The following ANKRD27 variants were observed in gnomAD, a reference collection of about 807,000 sequenced individuals.
ANKRD27 encodes ankyrin repeat domain 27, also known as ankyrin repeat domain-containing protein 27.
Under a neutral mutation model 129.7 loss-of-function variants are expected in ANKRD27, and 112 were observed. That is an observed-to-expected ratio of 0.86 (90% CI 0.74 to 1.01). The LOEUF (loss-of-function observed/expected upper bound fraction) is 1.01. ANKRD27 is among the 50% of genes least tolerant of loss of function. ANKRD27 has a pLI of 0.00. For missense variants in ANKRD27, 1,258 were observed against 1,300.5 expected, an observed-to-expected ratio of 0.97 and a Z score of 0.50; for synonymous variants, 516 against 511.2, an observed-to-expected ratio of 1.01 and a Z score of -0.13.
intron 3 of ANKRD27, among the ~76,000 whole-genome samples, chr19:32,649,067 A>T (rs1242349290): frequency 6.6e-6 from 1 of 151,516 alleles, no homozygotes; most frequent in Non-Finnish European, 1.5e-5. Context: ...CCTCAGCTTA[A>T]GCAATTCTCC....
At chr19:32,647,843 G>A (rs1003021242) in intron 3 of ANKRD27, among the ~76,000 whole-genome samples, 3 of 152,222 alleles carry the variant, frequency 2.0e-5, no homozygotes, top group African/African-American at 7.2e-5. Context: ...TTCAGCCCTG[G>A]CCACACTGCA....
At chr19:32,606,701 T>C (rs1971744755) in intron 23 of ANKRD27, among the ~76,000 whole-genome samples, 1 of 151,804 alleles carries the variant, frequency 6.6e-6, no homozygotes, top group Non-Finnish European at 1.5e-5. Context: ...AGCTCTATGC[T>C]AGGTGTTGGC....
intron 22 of ANKRD27, 86 bp from the exon 23 acceptor site, chr19:32,607,918 G>T: frequency 1.5e-6 from 2 of 1,329,196 alleles, no homozygotes; most frequent in Non-Finnish European, 2.1e-6. Flanking sequence ...GCCCCCCACA[G>T]CTCCCACACA....
At chr19:32,646,267 A>T (rs528270411) in intron 4 of ANKRD27, among the ~76,000 whole-genome samples, 192 bp downstream of exon 4, 1 of 151,542 alleles carries the variant, frequency 6.6e-6, no homozygotes, top group East Asian at 2.0e-4. Flanking sequence ...ACAGGGTCTC[A>T]CTATGTTTCC....
At chr19:32,644,524 G>A (rs769880366) in intron 4 of ANKRD27, 45 bp from the exon 5 acceptor site, 2 of 1,602,144 alleles carry the variant, frequency 1.2e-6, no homozygotes, top group South Asian at 2.2e-5. Context: ...GCCTCTGCTG[G>A]TTCCTGACTC....
At chr19:32,667,548 C>T (rs1383099380) in intron 1 of ANKRD27, among the ~76,000 whole-genome samples, 1 of 152,132 alleles carries the variant, frequency 6.6e-6, no homozygotes, top group Non-Finnish European at 1.5e-5. Context: ...AAGAGAAGAT[C>T]ATCTTAAAGT....
intron 21 of ANKRD27, among the ~76,000 whole-genome samples, chr19:32,616,745 C>T (rs2021772): frequency 0.55 from 83,662 of 151,852 alleles, 23,554 homozygotes; most frequent in African/African-American, 0.61. Flanking sequence ...CCAGGGCTGG[C>T]GGCTCCATCT....
At chr19:32,627,039 A>G (rs1966897183) in intron 15 of ANKRD27, among the ~76,000 whole-genome samples, 2 of 152,140 alleles carry the variant, frequency 1.3e-5, no homozygotes, top group Non-Finnish European at 2.9e-5. Flanking sequence ...GGACCCAGCA[A>G]AAGTCCACCT....
intron 20 of ANKRD27, among the ~76,000 whole-genome samples, chr19:32,618,162 T>C (rs2145272575): frequency 6.6e-6 from 1 of 152,044 alleles, no homozygotes; most frequent in South Asian, 2.1e-4. Flanking sequence ...TAATAAACTG[T>C]AACTTTATCA....
At chr19:32,642,437 G>T (rs928778827) in intron 9 of ANKRD27, among the ~76,000 whole-genome samples, 7 of 152,022 alleles carry the variant, frequency 4.6e-5, no homozygotes, top group Non-Finnish European at 7.4e-5. Flanking sequence ...ACATTTTTGT[G>T]TCCTAATGAA....
Position 32,597,821 on chromosome 19 carries a change from G to T in ANKRD27, c.*324C>A, listed in dbSNP as rs979539182. ...CCTTTTGGGAGGAGGAGGTCAGAAT[G>T]CGGTGGTGAAACCTCTCCCACTGTG... On this transcript the variant is annotated 3_prime_UTR_variant, in exon 29 of 29. Coordinates refer to ENST00000306065, the MANE Select transcript of ANKRD27 (RefSeq NM_032139.3). 3 of 373,958 alleles carry T rather than the reference G, an allele frequency of 8.0e-6. No individual in the cohort carries two copies. The Admixed American group carries it at 1.2e-4, about 15-fold the overall frequency. 23.2% of individuals were successfully genotyped at this position (373,958 alleles called of 1,614,324 possible).
chr19:32,602,585 CCT>C (rs1291021399), intron 25 of ANKRD27, among the ~76,000 whole-genome samples: 1 of 151,686 alleles, frequency 6.6e-6, no homozygotes, highest in Non-Finnish European at 1.5e-5. Context: ...ATAGCAAGGC[CCT>C]GTCTCTATTT....
chr19:32,624,411 C>G (rs536439378), intron 17 of ANKRD27, among the ~76,000 whole-genome samples: 1 of 151,730 alleles, frequency 6.6e-6, no homozygotes, highest in Non-Finnish European at 1.5e-5. Context: ...AGGGACTGAC[C>G]TAGAGGATCT....
intron 14 of ANKRD27, 79 bp from the exon 15 acceptor site, chr19:32,628,244 GTACCACAGACAGA>G: frequency 8.0e-7 from 1 of 1,242,336 alleles, no homozygotes; most frequent in Middle Eastern, 1.9e-4. Flanking sequence ...AGATAGGCAG[GTACCACAGACAGA>G]AGGCGGCTCA....
chr19:32,632,273 A>C (rs913059830), intron 12 of ANKRD27, among the ~76,000 whole-genome samples: 2 of 151,088 alleles, frequency 1.3e-5, no homozygotes, highest in Admixed American at 6.6e-5. Context: ...TGGGTGAGAG[A>C]GCGAGACTCC....
intron 18 of ANKRD27, 135 bp downstream of exon 18, chr19:32,622,287 A>G: frequency 2.2e-6 from 2 of 892,100 alleles, no homozygotes; most frequent in Admixed American, 4.2e-5. Context: ...GACGTCCCAC[A>G]TGCGGCAGAA....
In ANKRD27 at chr19:32,617,619, CA is replaced by C. The variant is rs775018819; in HGVS notation, c.2021del (p.Leu674Ter). ...KKDYREVEKL[L>X]RAVADGDLEM... is the part of the protein sequence containing the mutation. ...CTAGATCTCCATCAGCAACTGCTCT[CA>C]AAAGTTTTTCTACCTTAATAAAAGG... is the stretch of plus-strand genomic sequence containing the variant. On this transcript the variant is annotated frameshift_variant, in exon 21 of 29. Transcript: ENST00000306065. LOFTEE classifies it high-confidence loss of function. 1.3e-6 allele frequency: 1 copy of C among 754,700 alleles called. No individual in the cohort carries two copies. Among genetic ancestry groups the C allele is most frequent in the East Asian group, 2.4e-5 (1 of 41,020 alleles). 46.8% of individuals were successfully genotyped at this position (754,700 alleles called of 1,614,324 possible).
rs58394462 is a variant in ANKRD27 at position 32,613,706 on chromosome 19, C to CTTTTTTTTTTTTTTTTTT, written c.2175+1934_2175+1951dup. Among the ~76,000 whole-genome samples the CTTTTTTTTTTTTTTTTTT allele has an allele frequency of 2.3e-5, 3 of 132,994 alleles. 1 individual carries two copies. The highest frequency in any genetic ancestry group is 2.8e-5 in the African/African-American group (1 of 35,756). 87.2% of individuals were successfully genotyped at this position (132,994 alleles called of 152,430 possible). On this transcript the variant is annotated intron_variant, in intron 22 of 28. Transcript: ENST00000306065. Reference sequence around the variant, plus strand: ...GTATACTGTGATTACATTTATGTAACTTTTTTTTTTTTTTTTTTTTGAGAC... The same window carrying CTTTTTTTTTTTTTTTTTT: ...GTATACTGTGATTACATTTATGTAACTTTTTTTTTTTTTTTTTTTTTTTTTTTTTTTTTTTTTTGAGAC...
chr19:32,648,723 C>G (rs1326626956), intron 3 of ANKRD27, among the ~76,000 whole-genome samples: 2 of 151,320 alleles, frequency 1.3e-5, no homozygotes, highest in African/African-American at 2.4e-5. Context: ...TGGCGTGAAC[C>G]TGGGAGGCGG....
Sources: gnomAD v4.1 joint callset for allele counts (sites outside exome capture counted in the v4.1 genomes callset) on GRCh38, gnomAD v4.1.1 for gene constraint, MANE v1.5 for transcripts, NCBI Gene and HGNC (gene_info 2026-07-23, HGNC 2026-07-21) for gene names.